ATRNL1: variants seen among roughly 807,000 people sequenced by gnomAD.
ATRNL1 encodes attractin-like protein 1.
In ATRNL1, 95 loss-of-function variants were observed where a neutral mutation model predicts 182.7. That is an observed-to-expected ratio of 0.52 (90% CI 0.44 to 0.62). The LOEUF is 0.62. ATRNL1 is among the 20% of genes least tolerant of loss of function. The pLI is 0.00. For synonymous variants in ATRNL1, 576 were observed against 568.3 expected, an observed-to-expected ratio of 1.01 and a Z score of -0.19; for missense variants, 1,471 against 1,679.5, an observed-to-expected ratio of 0.88 and a Z score of 2.17.
chr10:115,407,483 G>A (rs1187814667), intron 20 of ATRNL1, among the ~76,000 whole-genome samples: 4 of 151,746 alleles, frequency 2.6e-5, no homozygotes, highest in Non-Finnish European at 5.9e-5. Flanking sequence ...GACATGCAGT[G>A]TTTAACTTTC....
At chr10:115,206,028 GT>G (rs1204160474) in intron 8 of ATRNL1, among the ~76,000 whole-genome samples, 1 of 151,982 alleles carries the variant, frequency 6.6e-6, no homozygotes, top group Non-Finnish European at 1.5e-5. Flanking sequence ...GATTATCTTA[GT>G]TTTTCTGCAT....
chr10:115,290,059 A>C lies in ATRNL1; in HGVS notation c.2415+3662A>C, dbSNP rs377536172. Among the ~76,000 whole-genome samples the C allele has an allele frequency of 9.0e-4, 122 of 135,384 alleles. 2 individuals are homozygous for C. In the South Asian group the frequency reaches 0.028, roughly 31 times the overall value. The allele number at this position is 135,384 out of a possible 152,430, so 88.8% of individuals were successfully genotyped here. ...GTTTGGATACTCTTCAATTTCTTTAATCAGTGTTTTGTAGTTTTTTTTTTT... is the reference window on the plus strand; with the variant it reads ...GTTTGGATACTCTTCAATTTCTTTACTCAGTGTTTTGTAGTTTTTTTTTTT... On this transcript the variant is annotated intron_variant, in intron 15 of 28. Coordinates refer to ENST00000355044, the MANE Select transcript of ATRNL1 (RefSeq NM_207303.4).
chr10:115,767,266 A>C (rs559410712), intron 27 of ATRNL1, among the ~76,000 whole-genome samples: 1 of 152,186 alleles, frequency 6.6e-6, no homozygotes, highest in Admixed American at 6.5e-5. Context: ...TCCCAGATAG[A>C]CTCATCATTT....
chr10:115,847,841 C>T, intron 27 of ATRNL1, 36 bp from the exon 28 acceptor site: 1 of 1,151,430 alleles, frequency 8.7e-7, no homozygotes, highest in Non-Finnish European at 1.3e-6. Context: ...AATGCTATGT[C>T]AATTTTGCAA....
At chr10:115,366,004 G>T (rs1857017554) in intron 19 of ATRNL1, among the ~76,000 whole-genome samples, 1 of 152,068 alleles carries the variant, frequency 6.6e-6, no homozygotes, top group Non-Finnish European at 1.5e-5. Flanking sequence ...GTTGATTTGG[G>T]GTGGAGAGTT....
rs879984324 is a variant in ATRNL1, at chr10:115,946,932, G to A, written c.*2153G>A. The A allele has an allele frequency of 6.6e-6, 1 of 152,302 alleles. No individual in the cohort carries two copies. The highest frequency in any genetic ancestry group is 2.4e-5 in the African/African-American group (1 of 41,446). The allele number at this position is 152,302 out of a possible 1,614,324, so 9.4% of individuals were successfully genotyped here. A position where few individuals can be genotyped will look rare whatever the true frequency, so the allele number is the denominator to read the frequency against. ...GCTATATTTTTAGGGAGGCTAAGCA[G>A]ATAGTATTACTGTGGAAGAATTATC... On this transcript the variant is annotated 3_prime_UTR_variant, in exon 29 of 29. Transcript: ENST00000355044.
At chr10:115,121,627 T>C in intron 2 of ATRNL1, 72 bp from the exon 3 acceptor site, 1 of 531,808 alleles carries the variant, frequency 1.9e-6, no homozygotes, top group Non-Finnish European at 3.1e-6. Flanking sequence ...TATTATATAA[T>C]AAATATTATG....
chr10:115,817,757 T>TA (rs1428590365), intron 27 of ATRNL1, among the ~76,000 whole-genome samples: 3 of 137,248 alleles, frequency 2.2e-5, no homozygotes, highest in Admixed American at 8.3e-5. Flanking sequence ...AACTGGCCCA[T>TA]AAAAAAGTAG....
chr10:115,160,378 G>T (rs996767573), intron 6 of ATRNL1, among the ~76,000 whole-genome samples, 164 bp downstream of exon 6: 6 of 151,650 alleles, frequency 4.0e-5, no homozygotes, highest in African/African-American at 1.5e-4. Flanking sequence ...TATGTCCATA[G>T]CTGTCATTGC....
chr10:115,831,129 A>T (rs929542263), intron 27 of ATRNL1, among the ~76,000 whole-genome samples: 1 of 152,146 alleles, frequency 6.6e-6, no homozygotes, highest in Admixed American at 6.6e-5. Flanking sequence ...GTTCTTCCAG[A>T]AACACGGATG....
At chr10:115,803,861 T>C (rs1248655215) in intron 27 of ATRNL1, among the ~76,000 whole-genome samples, 2 of 152,184 alleles carry the variant, frequency 1.3e-5, no homozygotes, top group African/African-American at 2.4e-5. Flanking sequence ...CATTAACATC[T>C]CCTTGGTACT....
intron 21 of ATRNL1, among the ~76,000 whole-genome samples, chr10:115,450,984 A>T (rs927554131): frequency 1.5e-4 from 23 of 152,190 alleles, no homozygotes; most frequent in African/African-American, 5.5e-4. Context: ...ACCTATAACC[A>T]TCTGATCTTC....
chr10:115,849,926 G>T (rs1282662573), intron 28 of ATRNL1, among the ~76,000 whole-genome samples: 1 of 152,154 alleles, frequency 6.6e-6, no homozygotes, highest in South Asian at 2.1e-4. Flanking sequence ...TGTCTACAGG[G>T]TTGATAGAGC....
chr10:115,680,123 C>T (rs1472498130), intron 26 of ATRNL1, among the ~76,000 whole-genome samples: 1 of 152,140 alleles, frequency 6.6e-6, no homozygotes, highest in African/African-American at 2.4e-5. Flanking sequence ...GTTTTTGTAA[C>T]AGCAGCGCTC....
chr10:115,891,599 G>T (rs11598169), intron 28 of ATRNL1, among the ~76,000 whole-genome samples: 1,724 of 152,200 alleles, frequency 0.011, 18 homozygotes, highest in Middle Eastern at 0.02. Flanking sequence ...CCTGGATCTA[G>T]TCATTATACA....
At chr10:115,202,523 A>T (rs1435013052) in intron 8 of ATRNL1, among the ~76,000 whole-genome samples, 2 of 152,124 alleles carry the variant, frequency 1.3e-5, no homozygotes, top group Non-Finnish European at 2.9e-5. Flanking sequence ...TGTTTACATG[A>T]TGGATTACAT....
chr10:115,712,264 G>A (rs567021040), intron 26 of ATRNL1, among the ~76,000 whole-genome samples: 2 of 152,280 alleles, frequency 1.3e-5, no homozygotes, highest in South Asian at 4.1e-4. Flanking sequence ...TGGCCACACA[G>A]TGACCAAATT....
chr10:115,336,148 G>A (rs1855470964), intron 19 of ATRNL1, among the ~76,000 whole-genome samples: 1 of 152,160 alleles, frequency 6.6e-6, no homozygotes, highest in Non-Finnish European at 1.5e-5. Context: ...GCACAAAGAA[G>A]TTATCTAAAA....
chr10:115,177,611 T>A (rs1287514891), intron 8 of ATRNL1, among the ~76,000 whole-genome samples: 1 of 152,134 alleles, frequency 6.6e-6, no homozygotes, highest in Non-Finnish European at 1.5e-5. Flanking sequence ...ATGTGTCCCA[T>A]GGACTATGTC....
Sources: allele counts gnomAD v4.1 joint callset (sites outside exome capture counted in the v4.1 genomes callset), GRCh38; gene constraint gnomAD v4.1.1; transcripts MANE v1.5; gene names NCBI Gene and HGNC (gene_info 2026-07-23, HGNC 2026-07-21).